IFRD1: variants seen among roughly 807,000 people sequenced by gnomAD.
The protein encoded by IFRD1 is interferon-related developmental regulator 1.
In IFRD1, 35 loss-of-function variants were observed where a neutral mutation model predicts 52.9. That is an observed-to-expected ratio of 0.66 (90% CI 0.51 to 0.88). The LOEUF is 0.88. Among genes scored for constraint, IFRD1 ranks in the 40% least tolerant of loss-of-function variants. IFRD1 has a pLI of 0.00. For missense variants in IFRD1, 517 were observed against 550.8 expected (o/e 0.94, Z 0.61); for synonymous variants, 184 against 188.4 (o/e 0.98, Z 0.19).
rs193155678 is a variant in IFRD1, at chr7:112,468,410, G to A, written c.1041+295G>A. Among the ~76,000 whole-genome samples, 349 of 152,032 alleles carry A rather than the reference G, an allele frequency of 2.3e-3. 1 individual carries two copies. Among genetic ancestry groups the A allele is most frequent in the African/African-American group, 8.0e-3 (331 of 41,468 alleles). Reference sequence around the variant, plus strand: ...TGTATTTGTCATCATTTAAACCATGGTGCTTAGCATATACATTCTTAGTGT... The same window carrying A: ...TGTATTTGTCATCATTTAAACCATGATGCTTAGCATATACATTCTTAGTGT... On this transcript the variant is annotated intron_variant, in intron 9 of 11. Transcript: ENST00000403825.
Position 112,456,404 on chromosome 7 carries a change from T to G in IFRD1, c.284+318T>G, listed in dbSNP as rs184534785. On this transcript the variant is annotated intron_variant, in intron 3 of 11. Coordinates refer to ENST00000403825, the MANE Select transcript of IFRD1 (RefSeq NM_001550.4). ...AGAAATGAATTTGTTGAATTAAAAG[T>G]TAATCTTCAACTAGAAATGATAACG... Among the ~76,000 whole-genome samples the G allele has an allele frequency of 2.4e-3, 371 of 152,288 alleles. 1 individual carries two copies. Among genetic ancestry groups the G allele is most frequent in the African/African-American group, 8.3e-3 (343 of 41,554 alleles).
intron 10 of IFRD1, 23 bp from the exon 11 acceptor site, chr7:112,472,743 A>G: frequency 7.0e-7 from 1 of 1,434,760 alleles, no homozygotes. Context: ...ACTGAGCCAT[A>G]CCACCTTTTT....
chr7:112,445,706 G>A (rs1474333077), upstream of IFRD1, among the ~76,000 whole-genome samples: 1 of 152,202 alleles, frequency 6.6e-6, no homozygotes, highest in East Asian at 1.9e-4. Context: ...GTTCCCTGCT[G>A]AAGAGAGATT....
rs1454027835 is a variant in IFRD1 at position 112,472,861 on chromosome 7, G to A, written c.1266G>A (p.Arg422=). 1 of 1,607,186 alleles carries A rather than the reference G, an allele frequency of 6.2e-7. No homozygotes were observed. ...CGATGAAGATTTCTCGTTTCGAAAG[G>A]GTAGGTTTTGTTTTTATTTTTAATA... The part of the protein sequence containing the change: ...LKTMKISRFE[R]HLYNSAAFKA... The change falls in exon 11 of 12, where the codon AGG becomes AGA. Residue 422 remains arginine (R), a splice_region_variant and synonymous_variant. Coordinates refer to ENST00000403825, the MANE Select transcript of IFRD1 (RefSeq NM_001550.4).
rs899954614 is a variant in IFRD1, at chr7:112,457,034, A to G, written c.405A>G (p.Lys135=). The part of the protein sequence containing the change: ...TLTDSIERCL[K]KGKSDEQRAA... ...CTGATAGCATTGAACGCTGCCTGAA[A>G]AAAGGTAATGCCCTTATTTTTGAGT... The change falls in exon 4 of 12, where the codon AAA becomes AAG. Residue 135 remains lysine (K), a synonymous_variant. Transcript: ENST00000403825. The G allele has an allele frequency of 9.3e-6, 15 of 1,613,768 alleles. No individual in the cohort carries two copies. The highest frequency in any genetic ancestry group is 1.3e-5 in the Non-Finnish European group (15 of 1,179,908).
intron 4 of IFRD1, 77 bp downstream of exon 4, chr7:112,457,115 A>C (rs760833178): frequency 2.1e-6 from 3 of 1,443,870 alleles, no homozygotes; most frequent in South Asian, 2.3e-5. Flanking sequence ...ACATTTAGTA[A>C]TAGCACTGGA....
At chr7:112,424,169 T>C (rs1486483004) in intron 1 of IFRD1, among the ~76,000 whole-genome samples, 1 of 152,018 alleles carries the variant, frequency 6.6e-6, no homozygotes, top group Non-Finnish European at 1.5e-5. Context: ...TCACTTATGG[T>C]GTCTTATCTA....
rs1434564322 is a variant in IFRD1 at position 112,427,235 on chromosome 7, AG to A, written c.-182+3806del. ...AGATAATGACATTAATCAATTTATT[AG>A]GGCAGAGCCCTCATGACCTAAACAC... On this transcript the variant is annotated intron_variant, in intron 1 of 12. Coordinates refer to the IFRD1 transcript ENST00000005558. Among the ~76,000 whole-genome samples the A allele has an allele frequency of 3.3e-5, 5 of 152,366 alleles. No individual in the cohort carries two copies. The East Asian group carries it at 9.6e-4, about 29-fold the overall frequency.
chr7:112,453,971 A>G (rs1795226846), intron 1 of IFRD1, among the ~76,000 whole-genome samples: 1 of 152,074 alleles, frequency 6.6e-6, no homozygotes, highest in South Asian at 2.1e-4. Flanking sequence ...GATTTTACTG[A>G]AAGGGAATTA....
chr7:112,430,650 C>T (rs116268195), intron 1 of IFRD1, among the ~76,000 whole-genome samples: 2,390 of 152,264 alleles, frequency 0.016, 57 homozygotes, highest in African/African-American at 0.056. Flanking sequence ...CTTCGTGAGC[C>T]CATGTCCAGG....
At chr7:112,423,395 G>A (rs547841706) in exon 1 of IFRD1, 3 of 152,132 alleles carry the variant, frequency 2.0e-5, no homozygotes, top group Non-Finnish European at 2.9e-5. Context: ...AGAACTTTAC[G>A]TGGACATCCC....
In IFRD1 at chr7:112,472,214, G is replaced by A; in HGVS notation, c.1042-5G>A. Reference sequence around the variant, plus strand: ...TGTGGTAATTTTGGTTCTTCCATTGGTTAGGAACGGGATTTTCCAACAGAA... The same window carrying A: ...TGTGGTAATTTTGGTTCTTCCATTGATTAGGAACGGGATTTTCCAACAGAA... On this transcript the variant is annotated splice_region_variant and splice_polypyrimidine_tract_variant and intron_variant, in intron 9 of 11. Coordinates refer to ENST00000403825, the MANE Select transcript of IFRD1 (RefSeq NM_001550.4). 8 of 1,613,764 alleles carry A rather than the reference G, an allele frequency of 5.0e-6. No homozygotes were observed. Among genetic ancestry groups the A allele is most frequent in the African/African-American group, 1.3e-5 (1 of 74,990 alleles).
rs1158231229 is a variant in IFRD1 at position 112,456,945 on chromosome 7, A to T, written c.316A>T (p.Ile106Phe). 6.2e-7 allele frequency: 1 copy of T among 1,613,860 alleles called. No individual in the cohort carries two copies. ...GACAAGGCAAGCAGCTCTTGAAGGT[A>T]TTAAAAATGCACTGGCTTCAAAAAT... ...AKTRQAALEGIKNALASKMLY... is the reference protein window; with the variant it reads ...AKTRQAALEGFKNALASKMLY... Residue 106 changes from isoleucine (I) to phenylalanine (F), a missense_variant, in exon 4 of 12, where the codon ATT (isoleucine) becomes TTT (phenylalanine). Physicochemically the swap from Ile to Phe is conservative, Grantham distance 21 (BLOSUM62 0). Transcript: ENST00000403825.
chr7:112,461,108 A>G (rs1795422102), intron 5 of IFRD1, among the ~76,000 whole-genome samples: 1 of 152,170 alleles, frequency 6.6e-6, no homozygotes, highest in African/African-American at 2.4e-5. Flanking sequence ...AGGCAATTAT[A>G]TGATTCCCAG....
intron 1 of IFRD1, among the ~76,000 whole-genome samples, chr7:112,437,476 A>T (rs1178505456): frequency 2.0e-5 from 3 of 152,088 alleles, no homozygotes; most frequent in Non-Finnish European, 4.4e-5. Flanking sequence ...GTATTATCTT[A>T]ATTATCCCAT....
At position 112,461,902 on chromosome 7, in the gene IFRD1, A is replaced by T; in HGVS notation, c.604A>T (p.Thr202Ser). 1 of 1,607,424 alleles carries T rather than the reference A, an allele frequency of 6.2e-7. No individual in the cohort carries two copies. The highest frequency in any genetic ancestry group is 8.5e-7 in the Non-Finnish European group (1 of 1,174,818). ...CTTTGGTGTTTGCTGTTTTATTGCC[A>T]CAGATGACATTACTGTAAGTAAAAA... is the stretch of plus-strand genomic sequence containing the variant. Reference protein sequence around the residue: ...TCFGVCCFIATDDITELYSTL... With the variant: ...TCFGVCCFIASDDITELYSTL... Residue 202 changes from threonine (T) to serine (S), a missense_variant, in exon 6 of 12, where the codon ACA (threonine) becomes TCA (serine). Thr to Ser is a moderately conservative substitution (Grantham distance 58). Coordinates refer to ENST00000403825, the MANE Select transcript of IFRD1 (RefSeq NM_001550.4).
At chr7:112,445,586 A>C (rs917899897), upstream of IFRD1, among the ~76,000 whole-genome samples, 1 of 152,238 alleles carries the variant, frequency 6.6e-6, no homozygotes, top group Non-Finnish European at 1.5e-5. Flanking sequence ...TCCCCACATT[A>C]GTTCCTTTGC....
chr7:112,428,575 G>T (rs912740800), intron 1 of IFRD1, among the ~76,000 whole-genome samples: 18 of 152,170 alleles, frequency 1.2e-4, no homozygotes, highest in African/African-American at 4.3e-4. Context: ...ACTCCTGGGG[G>T]TCTCACTTGG....
chr7:112,439,292 T>C (rs768327140), intron 1 of IFRD1, among the ~76,000 whole-genome samples: 10 of 152,322 alleles, frequency 6.6e-5, no homozygotes, highest in Middle Eastern at 3.4e-3. Flanking sequence ...TCTTGGAACA[T>C]ATGGGACTTT....
Sources: gnomAD v4.1 joint callset for allele counts (sites outside exome capture counted in the v4.1 genomes callset) on GRCh38, gnomAD v4.1.1 for gene constraint, MANE v1.5 for transcripts, NCBI Gene and HGNC (gene_info 2026-07-23, HGNC 2026-07-21) for gene names.